Variants in DNAH6 observed in about 807,000 individuals in gnomAD.
DNAH6 encodes the protein dynein axonemal heavy chain 6.
In DNAH6, 340 loss-of-function variants were observed where a neutral mutation model predicts 491.4. That is an observed-to-expected ratio of 0.69 (90% CI 0.63 to 0.76). DNAH6 has a LOEUF of 0.76. Ranked by LOEUF, DNAH6 falls within the 30% of genes least tolerant of loss-of-function variation. The probability of loss-of-function intolerance (pLI) is 0.00; values close to 1 mark genes in which losing one functional copy is unlikely to be tolerated. For synonymous variants in DNAH6, 1,603 were observed against 1,686.1 expected (o/e 0.95, Z 1.21); for missense variants, 4,443 against 4,972.2 (o/e 0.89, Z 3.20).
In DNAH6 at chr2:84,687,936, G is replaced by C. The variant is rs77288946; in HGVS notation, c.7138-503G>C. 2.9e-3 allele frequency among the ~76,000 whole-genome samples: 435 copies of C among 152,134 alleles called. 1 individual carries two copies. The highest frequency in any genetic ancestry group is 9.6e-3 in the African/African-American group (400 of 41,494). ...CTTTTCCAATGTCAATAACCTAACAGCAAAAAAATGAAACCAGGTCGGGCG... is the reference window on the plus strand; with the variant it reads ...CTTTTCCAATGTCAATAACCTAACACCAAAAAAATGAAACCAGGTCGGGCG... On this transcript the variant is annotated intron_variant, in intron 44 of 76. Coordinates refer to ENST00000389394, the MANE Select transcript of DNAH6 (RefSeq NM_001370.2).
At chr2:84,717,578 A>T (rs188598368) in intron 58 of DNAH6, among the ~76,000 whole-genome samples, 207 of 152,258 alleles carry the variant, frequency 1.4e-3, no homozygotes, top group Non-Finnish European at 2.5e-3. Flanking sequence ...TGGGGGGGGC[A>T]TTCAAAGGAT....
chr2:84,622,224 G>A (rs72922717), intron 26 of DNAH6, among the ~76,000 whole-genome samples: 6,163 of 152,078 alleles, frequency 0.041, 406 homozygotes, highest in African/African-American at 0.14. Context: ...ATTTCATTTA[G>A]CTTAATATCC....
At position 84,701,092 on chromosome 2, in the gene DNAH6, C is replaced by T. The variant is rs745658163; in HGVS notation, c.7819-5C>T. ...AGATTTTCTAGATTTTTCCTTGATTCACAGTGGCCCAGAGAAGCACTTCTT... is the reference window on the plus strand; with the variant it reads ...AGATTTTCTAGATTTTTCCTTGATTTACAGTGGCCCAGAGAAGCACTTCTT... On this transcript the variant is annotated splice_region_variant and splice_polypyrimidine_tract_variant and intron_variant, in intron 48 of 76. Coordinates refer to ENST00000389394, the MANE Select transcript of DNAH6 (RefSeq NM_001370.2). 2.6e-5 allele frequency: 40 copies of T among 1,546,498 alleles called. No homozygotes were observed. The highest frequency in any genetic ancestry group is 2.3e-4 in the African/African-American group (17 of 72,898).
At chr2:84,715,854 T>C (rs1269611997) in intron 58 of DNAH6, among the ~76,000 whole-genome samples, 17 of 152,260 alleles carry the variant, frequency 1.1e-4, no homozygotes, top group Non-Finnish European at 2.9e-5. Context: ...GGATAGACCC[T>C]TAATTCCCCA....
chr2:84,644,348 A>G (rs963676359), intron 33 of DNAH6, among the ~76,000 whole-genome samples: 2 of 152,076 alleles, frequency 1.3e-5, no homozygotes, highest in South Asian at 2.1e-4. Flanking sequence ...GCTCCAGCCT[A>G]TTTCAGAATG....
At position 84,703,532 on chromosome 2, in the gene DNAH6, A is replaced by T; in HGVS notation, c.8199A>T (p.Lys2733Asn). ...KSEDVEALME[K>N]LAVDQESADQ... ...AAGATGTTGAAGCCCTGATGGAAAA[A>T]TTGGCAGTGGATCAAGAAAGTGCCG... The change falls in exon 50 of 77, where the codon AAA (lysine) becomes AAT (asparagine). Residue 2733 changes from lysine (K) to asparagine (N), a missense_variant. By Grantham distance (94) the Lys-to-Asn change is moderately conservative. Coordinates refer to ENST00000389394, the MANE Select transcript of DNAH6 (RefSeq NM_001370.2). 6.4e-7 allele frequency: 1 copy of T among 1,551,384 alleles called. No individual in the cohort carries two copies. Among genetic ancestry groups the T allele is most frequent in the African/African-American group, 1.4e-5 (1 of 73,140 alleles).
At chr2:84,736,538 C>G (rs1391264449) in intron 62 of DNAH6, among the ~76,000 whole-genome samples, 1 of 151,988 alleles carries the variant, frequency 6.6e-6, no homozygotes, top group East Asian at 1.9e-4. Context: ...TGTAGTTACT[C>G]TTATAGAGAT....
Position 84,637,344 on chromosome 2 carries a change from G to C in DNAH6, c.4788G>C (p.Ala1596=), listed in dbSNP as rs146868345. ...DNLKALFRPF[A]MMVPNYALIA... The stretch of plus-strand genomic sequence containing the variant: ...TGAAAGCCCTGTTTAGACCATTTGC[G>C]ATGATGGTTCCAAATTATGCCTTGA... Residue 1596 remains alanine (A), a synonymous_variant, in exon 31 of 77, where the codon GCG becomes GCC. Coordinates refer to ENST00000389394, the MANE Select transcript of DNAH6 (RefSeq NM_001370.2). 9.7e-4 allele frequency: 1,509 copies of C among 1,548,834 alleles called. 19 individuals carry two copies. The African/African-American group carries it at 0.019, about 19-fold the overall frequency.
chr2:84,514,866 G>GTC (rs1553405938), upstream of DNAH6, among the ~76,000 whole-genome samples: 1 of 24,002 alleles, frequency 4.2e-5, no homozygotes, highest in Non-Finnish European at 9.3e-5. Context: ...CTTCACCACA[G>GTC]TCACACACAC....
At chr2:84,573,877 T>C (rs1357696867) in intron 12 of DNAH6, among the ~76,000 whole-genome samples, 1 of 152,248 alleles carries the variant, frequency 6.6e-6, no homozygotes, top group African/African-American at 2.4e-5. Flanking sequence ...ATAGCCTGCA[T>C]ATGAGAAGTT....
chr2:84,519,078 G>C (rs1675885378), intron 2 of DNAH6, among the ~76,000 whole-genome samples: 1 of 152,000 alleles, frequency 6.6e-6, no homozygotes, highest in South Asian at 2.1e-4. Flanking sequence ...CATGGACTAT[G>C]GTAGAGACTC....
chr2:84,469,631 AC>A, the DNAH6 span, among the ~76,000 whole-genome samples: 1 of 152,200 alleles, frequency 6.6e-6, no homozygotes, highest in Non-Finnish European at 1.5e-5. The surrounding 1 kb of genome is among the most constrained non-coding windows in gnomAD (Gnocchi z 4.0). Context: ...ATTGCAGCCA[AC>A]AATGAAAAGT....
chr2:84,486,916 C>T, the DNAH6 span, among the ~76,000 whole-genome samples: 11 of 152,240 alleles, frequency 7.2e-5, no homozygotes, highest in South Asian at 2.3e-3. Flanking sequence ...ATTTATTTAG[C>T]ATCATTTATA....
At chr2:84,816,840 A>G (rs1048872948) in intron 76 of DNAH6, among the ~76,000 whole-genome samples, 1 of 152,204 alleles carries the variant, frequency 6.6e-6, no homozygotes, top group Non-Finnish European at 1.5e-5. Context: ...AGCCACCTCA[A>G]CAGATACACC....
chr2:84,507,083 T>A, the DNAH6 span, among the ~76,000 whole-genome samples: 1 of 152,154 alleles, frequency 6.6e-6, no homozygotes. Context: ...TTTAAAGTAG[T>A]TTTTTCCAAT....
chr2:84,674,817 G>A (rs1190648796), intron 40 of DNAH6, among the ~76,000 whole-genome samples: 1 of 152,138 alleles, frequency 6.6e-6, no homozygotes, highest in Admixed American at 6.5e-5. Flanking sequence ...GCGCTCAGTG[G>A]CTCCTCTCTG....
intron 4 of DNAH6, among the ~76,000 whole-genome samples, chr2:84,541,959 A>C (rs915060668): frequency 6.6e-6 from 1 of 152,180 alleles, no homozygotes; most frequent in Admixed American, 6.5e-5. Flanking sequence ...TGATGATCCA[A>C]CCTTTGAAAG....
chr2:84,602,597 T>C (rs1025672534), intron 18 of DNAH6, among the ~76,000 whole-genome samples: 5 of 150,998 alleles, frequency 3.3e-5, no homozygotes, highest in African/African-American at 1.2e-4. Flanking sequence ...CTATTGTTAC[T>C]GTTCAAATTT....
intron 11 of DNAH6, among the ~76,000 whole-genome samples, chr2:84,571,545 A>G (rs1257305595): frequency 1.3e-5 from 2 of 152,178 alleles, no homozygotes; most frequent in Non-Finnish European, 2.9e-5. Flanking sequence ...ACATGCACAT[A>G]TACACACAAC....
Sources: allele counts gnomAD v4.1 joint callset (sites outside exome capture counted in the v4.1 genomes callset), GRCh38; gene constraint gnomAD v4.1.1; non-coding constraint Gnocchi (gnomAD v3.1); transcripts MANE v1.5; gene names NCBI Gene and HGNC (gene_info 2026-07-23, HGNC 2026-07-21).